Variants in ABCC1 observed in about 807,000 individuals in gnomAD.
The protein encoded by ABCC1 is ATP binding cassette subfamily C member 1 (ABCC1 blood group).
A neutral mutation model predicts 172.9 loss-of-function variants in ABCC1; 83 were observed. The observed-to-expected ratio is 0.48, with a 90% confidence interval of 0.40 to 0.58. ABCC1 has a LOEUF of 0.58. ABCC1 is among the 20% of genes least tolerant of loss of function. The pLI, the probability that ABCC1 is intolerant of heterozygous loss-of-function variation, is 0.00. For missense variants in ABCC1, 1,817 were observed against 2,002.7 expected, an observed-to-expected ratio of 0.91 and a Z score of 1.77; for synonymous variants, 937 against 825.2, an observed-to-expected ratio of 1.14 and a Z score of -2.32.
At position 16,125,900 on chromosome 16, in the gene ABCC1, A is replaced by T; in HGVS notation, c.3808A>T (p.Thr1270Ser). 6.2e-7 allele frequency: 1 copy of T among 1,613,816 alleles called. No homozygotes were observed. The highest frequency in any genetic ancestry group is 8.5e-7 in the Non-Finnish European group (1 of 1,179,880). ...AVERLKEYSE[T>S]EKEAPWQIQE... ...GGAGAGGCTCAAGGAGTATTCAGAG[A>T]CTGAGAAGGAGGTAGGCAAGGGCCC... Residue 1270 changes from threonine to serine, a missense_variant, in exon 26 of 31, where the codon ACT becomes TCT. By Grantham distance (58) the Thr-to-Ser change is moderately conservative. Transcript: ENST00000399410.
intron 14 of ABCC1, among the ~76,000 whole-genome samples, chr16:16,073,184 G>A (rs569465685): frequency 6.6e-6 from 1 of 152,106 alleles, no homozygotes; most frequent in Non-Finnish European, 1.5e-5. Context: ...GGTACCCCTG[G>A]AGGAGGGTGA....
chr16:16,098,961 G>GA (rs1397802801), intron 19 of ABCC1: 1 of 1,315,752 alleles, frequency 7.6e-7, no homozygotes, highest in African/African-American at 1.5e-5. Context: ...GAGACGGGCC[G>GA]AGACTGTCGC....
At chr16:16,095,393 T>C (rs2051430793) in intron 19 of ABCC1, among the ~76,000 whole-genome samples, 1 of 152,224 alleles carries the variant, frequency 6.6e-6, no homozygotes, top group African/African-American at 2.4e-5. Context: ...CTGGGGACAG[T>C]TGGCAATGTT....
At chr16:16,138,651 TTATCCC>T (rs1199054359) in intron 30 of ABCC1, 93 bp downstream of exon 30, 11 of 1,053,404 alleles carry the variant, frequency 1.0e-5, no homozygotes, top group Admixed American at 3.3e-5. Flanking sequence ...AACACTGTCC[TTATCCC>T]TAGTGACAGC....
intron 4 of ABCC1, among the ~76,000 whole-genome samples, chr16:16,015,164 G>A (rs1163814896): frequency 1.3e-5 from 2 of 148,492 alleles, no homozygotes; most frequent in Non-Finnish European, 3.0e-5. Flanking sequence ...TTGTTGAGGC[G>A]GAGTCTCGCT....
At position 15,997,238 on chromosome 16, in the gene ABCC1, G is replaced by T. The variant is rs115447983; in HGVS notation, c.49-10578G>T. On this transcript the variant is annotated intron_variant, in intron 1 of 30. Transcript: ENST00000399410. ...TCTCACGTAGCCGGGACTCAGGCCT[G>T]TGCCACCACGCCTGGTGAATTTTTT... Among the ~76,000 whole-genome samples, 776 of 152,196 alleles carry T rather than the reference G, an allele frequency of 5.1e-3. 8 individuals carry two copies. Among genetic ancestry groups the T allele is most frequent in the African/African-American group, 0.018 (746 of 41,532 alleles).
At chr16:16,017,025 G>A (rs1342413049) in intron 5 of ABCC1, among the ~76,000 whole-genome samples, 1 of 152,108 alleles carries the variant, frequency 6.6e-6, no homozygotes, top group African/African-American at 2.4e-5. Context: ...GGAGTCCCCG[G>A]CACTCCCTGT....
intron 3 of ABCC1, among the ~76,000 whole-genome samples, chr16:16,010,350 A>G (rs915866795): frequency 6.6e-6 from 1 of 152,046 alleles, no homozygotes; most frequent in Non-Finnish European, 1.5e-5. Context: ...CCCCAGCTGC[A>G]GTCTTTGGAT....
At chr16:16,090,296 T>G in intron 18 of ABCC1, 109 bp from the exon 19 acceptor site, 2 of 1,224,788 alleles carry the variant, frequency 1.6e-6, no homozygotes, top group Non-Finnish European at 2.2e-6. Context: ...GACCTGAGTT[T>G]TGCCCACCAG....
chr16:16,080,381 A>C (rs1307637387), intron 16 of ABCC1, among the ~76,000 whole-genome samples: 1 of 152,192 alleles, frequency 6.6e-6, no homozygotes, highest in Non-Finnish European at 1.5e-5. Flanking sequence ...CTAAAAGAAG[A>C]CTGCAGTTTT....
In ABCC1 at chr16:16,097,765, A is replaced by G. The variant is rs2051546218; in HGVS notation, c.2645-4862A>G. Among the ~76,000 whole-genome samples the G allele has an allele frequency of 2.6e-5, 4 of 152,118 alleles. No individual in the cohort carries two copies. The South Asian group carries it at 8.3e-4, about 32-fold the overall frequency. ...CTGCCCATCTGTCTGTCGGGTGTGTACAGAGTGCCTGCTGTGTGCCACAAG... is the reference window on the plus strand; with the variant it reads ...CTGCCCATCTGTCTGTCGGGTGTGTGCAGAGTGCCTGCTGTGTGCCACAAG... On this transcript the variant is annotated intron_variant, in intron 19 of 30. Transcript: ENST00000399410.
chr16:16,047,834 C>T (rs1166255698), intron 9 of ABCC1, among the ~76,000 whole-genome samples: 3 of 150,662 alleles, frequency 2.0e-5, no homozygotes, highest in Non-Finnish European at 3.0e-5. Context: ...CACCCCCCAC[C>T]ACTCCCCCCA....
chr16:16,105,983 T>A (rs2052077982), intron 20 of ABCC1, among the ~76,000 whole-genome samples: 1 of 151,526 alleles, frequency 6.6e-6, no homozygotes, highest in Non-Finnish European at 1.5e-5. Context: ...TTCAAGCGAT[T>A]CTCCTGCCTC....
chr16:16,069,169 AAAATAAATAAAT>A (rs56098532), intron 13 of ABCC1, among the ~76,000 whole-genome samples: 4,796 of 107,408 alleles, frequency 0.045, 256 homozygotes, highest in African/African-American at 0.17. Context: ...AAATAAAATA[AAAATAAATAAAT>A]AAATAAATAA....
At position 16,140,371 on chromosome 16, in the gene ABCC1, C is replaced by G. The variant is rs570659209; in HGVS notation, c.4488-802C>G. On this transcript the variant is annotated intron_variant, in intron 30 of 30. Coordinates refer to ENST00000399410, the MANE Select transcript of ABCC1 (RefSeq NM_004996.4). Reference sequence around the variant, plus strand: ...TATTTTATTTTATATATTTTTGAGACAGGGTCTCACCCTGTCGCCCAGGCT... The same window carrying G: ...TATTTTATTTTATATATTTTTGAGAGAGGGTCTCACCCTGTCGCCCAGGCT... Among the ~76,000 whole-genome samples the G allele has an allele frequency of 2.0e-5, 3 of 152,230 alleles. No individual in the cohort carries two copies. In the South Asian group the frequency reaches 6.2e-4, roughly 32 times the overall value.
intron 1 of ABCC1, among the ~76,000 whole-genome samples, chr16:15,957,178 C>T: frequency 6.6e-6 from 1 of 151,718 alleles, no homozygotes; most frequent in African/African-American, 2.4e-5. Flanking sequence ...CTCCTGAGCT[C>T]AAGCAATTCT....
chr16:16,037,599 G>A (rs1021637031), intron 7 of ABCC1, among the ~76,000 whole-genome samples: 1 of 152,224 alleles, frequency 6.6e-6, no homozygotes, highest in African/African-American at 2.4e-5. Context: ...CATGGGGGTA[G>A]TAGAATGGCT....
chr16:16,090,601 C>G lies in ABCC1; in HGVS notation c.2644+13C>G, dbSNP rs765492007. 3 of 1,563,216 alleles carry G rather than the reference C, an allele frequency of 1.9e-6. No individual in the cohort carries two copies. The highest frequency in any genetic ancestry group is 1.2e-5 in the South Asian group (1 of 86,070). ...GCAGAGGAGAACGGTAGGGGCAGCC[C>G]CAGGGTTCCACCCACTCAGGGTGTC... On this transcript the variant is annotated intron_variant, in intron 19 of 30. Coordinates refer to ENST00000399410, the MANE Select transcript of ABCC1 (RefSeq NM_004996.4).
intron 19 of ABCC1, among the ~76,000 whole-genome samples, chr16:16,092,760 C>T (rs1298455589): frequency 6.6e-6 from 1 of 152,144 alleles, no homozygotes; most frequent in Non-Finnish European, 1.5e-5. Context: ...GAGGCCAAGG[C>T]GGGTGGATCA....
Sources: allele counts gnomAD v4.1 joint callset (sites outside exome capture counted in the v4.1 genomes callset), GRCh38; gene constraint gnomAD v4.1.1; transcripts MANE v1.5; gene names NCBI Gene and HGNC (gene_info 2026-07-23, HGNC 2026-07-21).